PCSK5: variants seen among roughly 807,000 people sequenced by gnomAD.
The protein encoded by PCSK5 is proprotein convertase subtilisin/kexin type 5.
Under a neutral mutation model 233.2 loss-of-function variants are expected in PCSK5, and 129 were observed. The ratio of observed to expected loss-of-function variants is 0.55; its 90% CI spans 0.48 to 0.64. The LOEUF (loss-of-function observed/expected upper bound fraction) is 0.64. Among genes scored for constraint, PCSK5 ranks in the 30% least tolerant of loss-of-function variants. PCSK5 has a pLI of 0.00. For synonymous variants in PCSK5, 825 were observed against 879.2 expected (o/e 0.94, Z 1.09); for missense variants, 2,076 against 2,430.1 (o/e 0.85, Z 3.06).
chr9:76,200,978 C>G (rs1824891742), intron 20 of PCSK5, among the ~76,000 whole-genome samples: 1 of 152,212 alleles, frequency 6.6e-6, no homozygotes, highest in Non-Finnish European at 1.5e-5. Context: ...TTCACTCAGA[C>G]AGAATGCTGA....
chr9:75,984,308 G>A (rs1003188482), intron 2 of PCSK5, among the ~76,000 whole-genome samples: 1 of 152,098 alleles, frequency 6.6e-6, no homozygotes, highest in Non-Finnish European at 1.5e-5. Flanking sequence ...CCCACCCCAG[G>A]ATAGACTGTC....
At chr9:76,097,456 G>A (rs1379168319) in intron 8 of PCSK5, among the ~76,000 whole-genome samples, 1 of 152,044 alleles carries the variant, frequency 6.6e-6, no homozygotes, top group Admixed American at 6.6e-5. Context: ...AGAGACGGGG[G>A]TGCATTTCTT....
intron 1 of PCSK5, among the ~76,000 whole-genome samples, chr9:75,921,922 T>C (rs185882684): frequency 6.6e-6 from 1 of 152,238 alleles, no homozygotes; most frequent in South Asian, 2.1e-4. Context: ...TGTGCTGATA[T>C]GAAAATTTAT....
At chr9:76,264,601 G>C (rs1587817461) in intron 24 of PCSK5, among the ~76,000 whole-genome samples, 1 of 152,048 alleles carries the variant, frequency 6.6e-6, no homozygotes, top group East Asian at 1.9e-4. Flanking sequence ...AATGAGCAAA[G>C]ACATGAACAG....
chr9:76,025,905 G>A (rs1482507857), intron 4 of PCSK5, among the ~76,000 whole-genome samples: 1 of 151,796 alleles, frequency 6.6e-6, no homozygotes, highest in African/African-American at 2.4e-5. Context: ...AGCTCTAACT[G>A]AATTTTTAAA....
At chr9:76,053,450 T>C (rs1175201620) in intron 5 of PCSK5, among the ~76,000 whole-genome samples, 3 of 152,238 alleles carry the variant, frequency 2.0e-5, no homozygotes, top group African/African-American at 7.2e-5. Flanking sequence ...TTCTTTTCTA[T>C]TGCTTCGTTA....
chr9:76,193,028 A>T (rs1398988353), intron 20 of PCSK5, among the ~76,000 whole-genome samples: 2 of 149,766 alleles, frequency 1.3e-5, no homozygotes, highest in Non-Finnish European at 3.0e-5. Flanking sequence ...TTACCATTGG[A>T]CTGCAATGTC....
intron 5 of PCSK5, 120 bp from the exon 6 acceptor site, chr9:76,067,835 G>T: frequency 1.4e-6 from 1 of 735,072 alleles, no homozygotes; most frequent in Non-Finnish European, 2.4e-6. Context: ...ACTTGGGAAG[G>T]AAGTTCCAGA....
rs1357225756 is a variant in PCSK5 at position 76,046,183 on chromosome 9, T to G, written c.632+19146T>G. Among the ~76,000 whole-genome samples the G allele has an allele frequency of 4.7e-3, 572 of 120,532 alleles. 3 individuals carry two copies. The highest frequency in any genetic ancestry group is 9.3e-3 in the South Asian group (32 of 3,454). The allele number at this position is 120,532 out of a possible 152,430, so 79.1% of individuals were successfully genotyped here. The stretch of plus-strand genomic sequence containing the variant: ...TTGTTTTTTTTTTTTTTTTTTTTTT[T>G]TTTTTTTTTTTTGAGACGGAGTCTC... On this transcript the variant is annotated intron_variant, in intron 5 of 37. Coordinates refer to ENST00000674117, the MANE Select transcript of PCSK5 (RefSeq NM_001372043.1).
chr9:76,328,672 C>T lies in PCSK5; in HGVS notation c.4570+433C>T, dbSNP rs145238330. 3.7e-3 allele frequency among the ~76,000 whole-genome samples: 570 copies of T among 152,314 alleles called. 7 individuals carry two copies. Among genetic ancestry groups the T allele is most frequent in the African/African-American group, 0.013 (545 of 41,556 alleles). On this transcript the variant is annotated intron_variant, in intron 33 of 37. Transcript: ENST00000674117. ...AGATTAGTGATATTTTCTTACATAACCGCAGGATAGTTATCAACTCTAATA... is the reference window on the plus strand; with the variant it reads ...AGATTAGTGATATTTTCTTACATAATCGCAGGATAGTTATCAACTCTAATA...
chr9:76,218,949 C>T (rs913129710), intron 20 of PCSK5, among the ~76,000 whole-genome samples: 39 of 152,214 alleles, frequency 2.6e-4, no homozygotes, highest in Admixed American at 2.6e-4. Context: ...GAATCAAATG[C>T]TTCTTCAGTC....
In PCSK5 at chr9:76,181,420, C is replaced by G; in HGVS notation, c.2026C>G (p.Pro676Ala). 6.2e-7 allele frequency: 1 copy of G among 1,613,630 alleles called. No homozygotes were observed. Among genetic ancestry groups the G allele is most frequent in the Non-Finnish European group, 8.5e-7 (1 of 1,179,776 alleles). The change falls in exon 16 of 38, where the codon CCT becomes GCT. Residue 676 changes from proline (P) to alanine (A), a missense_variant. This residue lies in a region of PCSK5 where 1,510 missense variants were observed against 1,538.1 expected (regional missense o/e 0.98). Transcript: ENST00000674117. The part of the protein sequence containing the change: ...NTRICVSSCP[P>A]GHYHADKKRC... ...CAGGATCTGTGTCTCCAGCTGCCCC[C>G]CTGGCCACTACCACGCCGACAAGAA...
At chr9:76,149,694 G>A (rs941629705) in intron 10 of PCSK5, among the ~76,000 whole-genome samples, 1 of 152,104 alleles carries the variant, frequency 6.6e-6, no homozygotes, top group Non-Finnish European at 1.5e-5. Context: ...TGTCCAGACA[G>A]TCATTCCTAA....
intron 1 of PCSK5, among the ~76,000 whole-genome samples, chr9:75,901,627 T>TAA (rs34727969): frequency 7.0e-4 from 96 of 137,006 alleles, no homozygotes; most frequent in African/African-American, 1.6e-3. Flanking sequence ...TCCCAGAACT[T>TAA]AAAAAAAAAA....
At chr9:76,020,990 C>T (rs1828162170) in intron 3 of PCSK5, among the ~76,000 whole-genome samples, 1 of 152,166 alleles carries the variant, frequency 6.6e-6, no homozygotes, top group African/African-American at 2.4e-5. Context: ...GGCCCAAAAA[C>T]TCTTGGCCAG....
At chr9:76,286,893 T>C in intron 24 of PCSK5, 1 of 228,434 alleles carries the variant, frequency 4.4e-6, no homozygotes, top group Non-Finnish European at 8.4e-6. Context: ...CATTGGTGAT[T>C]AACTTATTAA....
chr9:76,013,275 A>G (rs1827809772), intron 3 of PCSK5, among the ~76,000 whole-genome samples: 1 of 152,188 alleles, frequency 6.6e-6, no homozygotes, highest in Non-Finnish European at 1.5e-5. Flanking sequence ...AGACTATTTA[A>G]TGATCATGTG....
At chr9:76,032,016 G>T (rs1563983574) in intron 5 of PCSK5, among the ~76,000 whole-genome samples, 1 of 152,142 alleles carries the variant, frequency 6.6e-6, no homozygotes, top group African/African-American at 2.4e-5. Context: ...CCTTGGGGCT[G>T]GGAGCTGTGG....
intron 24 of PCSK5, among the ~76,000 whole-genome samples, chr9:76,286,336 G>A (rs1828064360): frequency 1.3e-5 from 2 of 152,172 alleles, no homozygotes; most frequent in Admixed American, 1.3e-4. Flanking sequence ...TTGAATATGT[G>A]TAGAAAAGCA....
Sources: allele counts gnomAD v4.1 joint callset (sites outside exome capture counted in the v4.1 genomes callset), GRCh38; gene constraint gnomAD v4.1.1; regional missense constraint gnomAD v4.1.1; transcripts MANE v1.5; gene names NCBI Gene and HGNC (gene_info 2026-07-23, HGNC 2026-07-21).